The following NICN1 variants were observed in gnomAD, a reference collection of about 807,000 sequenced individuals.
NICN1 encodes the protein nicolin 1, tubulin polyglutamylase complex subunit, also known as nicolin-1.
Under a neutral mutation model 26.3 loss-of-function variants are expected in NICN1, and 18 were observed. The ratio of observed to expected loss-of-function variants is 0.68; its 90% CI spans 0.47 to 1.01. The LOEUF (loss-of-function observed/expected upper bound fraction) is 1.01. NICN1 is among the 50% of genes least tolerant of loss of function. NICN1 has a pLI of 0.00. For missense variants in NICN1, 239 were observed against 278.3 expected (o/e 0.86, Z 1.00); for synonymous variants, 109 against 111.0 (o/e 0.98, Z 0.11).
intron 1 of NICN1, among the ~76,000 whole-genome samples, chr3:49,427,080 C>G (rs1027599206): frequency 6.6e-6 from 1 of 151,836 alleles, no homozygotes; most frequent in African/African-American, 2.4e-5. Context: ...CCAGCACTTT[C>G]GGAGGCCGAG....
chr3:49,425,067 A>C lies in NICN1; in HGVS notation c.496-14T>G. 1 of 1,606,036 alleles carries C rather than the reference A, an allele frequency of 6.2e-7. No homozygotes were observed. On this transcript the variant is annotated splice_polypyrimidine_tract_variant and intron_variant, in intron 4 of 5. Transcript: ENST00000273598. ...GTCTGGGAGACCCTGCTCCAGAAGGAGGGGTCAGTGGCCATGGGTCTCTCC... is the reference window on the plus strand; with the variant it reads ...GTCTGGGAGACCCTGCTCCAGAAGGCGGGGTCAGTGGCCATGGGTCTCTCC...
At position 49,426,354 on chromosome 3, in the gene NICN1, G is replaced by A. The variant is rs1203395205; in HGVS notation, c.207C>T (p.His69=). ...GGCAGGTCACCCACTTGGCAGGTGTGTGTGCTGAGGTGTACTGACGGACAC... is the reference window on the plus strand; with the variant it reads ...GGCAGGTCACCCACTTGGCAGGTGTATGTGCTGAGGTGTACTGACGGACAC... The part of the protein sequence containing the change: ...SIRVRQYTSA[H]TPAKWVTCLR... The change falls in exon 2 of 6, where the codon CAC becomes CAT. Residue 69 remains histidine (H), a synonymous_variant. Coordinates refer to ENST00000273598, the MANE Select transcript of NICN1 (RefSeq NM_032316.3). 6.2e-7 allele frequency: 1 copy of A among 1,614,076 alleles called. No individual in the cohort carries two copies. The highest frequency in any genetic ancestry group is 1.3e-5 in the African/African-American group (1 of 74,918).
rs2049122995 is a variant in NICN1, at chr3:49,422,365, G to A, written c.*2468C>T. 5.0e-6 allele frequency: 8 copies of A among 1,613,218 alleles called. No homozygotes were observed. The highest frequency in any genetic ancestry group is 6.8e-6 in the Non-Finnish European group (8 of 1,179,812). ...GATCAGCACCCTCTATCCCACCTGT[G>A]CGCAACTAAGTGGACGACACAAGGC... is the stretch of plus-strand genomic sequence containing the variant. On this transcript the variant is annotated 3_prime_UTR_variant, in exon 6 of 6. Transcript: ENST00000273598.
intron 2 of NICN1, 30 bp downstream of exon 2, chr3:49,426,222 C>A (rs1379371231): frequency 6.2e-7 from 1 of 1,608,800 alleles, no homozygotes. Context: ...CTCATCTGGG[C>A]TGCCCTGGCC....
chr3:49,428,005 C>T (rs1433086418), intron 1 of NICN1, among the ~76,000 whole-genome samples: 1 of 151,880 alleles, frequency 6.6e-6, no homozygotes, highest in East Asian at 1.9e-4. Flanking sequence ...GATCACCTGA[C>T]GTCACAAGTT....
In NICN1 at chr3:49,424,416, TC is replaced by T. The variant is rs1367626869; in HGVS notation, c.*416del. ...AAGGTTTCTGTTTCTTCCTCAAGTG[TC>T]CCAAGTGCCATGGCAGCAATGGCCT... On this transcript the variant is annotated 3_prime_UTR_variant, in exon 6 of 6. Coordinates refer to ENST00000273598, the MANE Select transcript of NICN1 (RefSeq NM_032316.3). 2 of 259,442 alleles carry T rather than the reference TC, an allele frequency of 7.7e-6. No homozygotes were observed. Among genetic ancestry groups the T allele is most frequent in the Non-Finnish European group, 1.5e-5 (2 of 135,072 alleles). The allele number at this position is 259,442 out of a possible 1,614,324, so 16.1% of individuals were successfully genotyped here. A position where few individuals can be genotyped will look rare whatever the true frequency, so the allele number is the denominator to read the frequency against.
intron 2 of NICN1, 86 bp downstream of exon 2, chr3:49,426,166 C>T: frequency 7.1e-7 from 1 of 1,411,046 alleles, no homozygotes; most frequent in Middle Eastern, 1.8e-4. Flanking sequence ...CTGGCCCCCT[C>T]TTCCCTCTTG....
rs559349961 is a variant in NICN1, at chr3:49,426,684, C to T, written c.133-256G>A. ...CCGGGACTACAGGTACGTGCCACCA[C>T]GCCCAGCTAATTGTTTTGTACTTTT... On this transcript the variant is annotated intron_variant, in intron 1 of 5. Coordinates refer to ENST00000273598, the MANE Select transcript of NICN1 (RefSeq NM_032316.3). Among the ~76,000 whole-genome samples, 8 of 152,212 alleles carry T rather than the reference C, an allele frequency of 5.3e-5. 1 individual carries two copies. The South Asian group carries it at 6.2e-4, about 12-fold the overall frequency.
chr3:49,426,559 G>A, intron 1 of NICN1, 131 bp from the exon 2 acceptor site: 1 of 683,948 alleles, frequency 1.5e-6, no homozygotes, highest in Non-Finnish European at 2.4e-6. Context: ...AGGAAATCTT[G>A]CTCTTTTGCC....
chr3:49,422,580 G>T lies in NICN1; in HGVS notation c.*2253C>A. 1.0e-6 allele frequency: 1 copy of T among 987,406 alleles called. No homozygotes were observed. The highest frequency in any genetic ancestry group is 1.6e-6 in the Non-Finnish European group (1 of 636,680). The allele number at this position is 987,406 out of a possible 1,614,324, so 61.2% of individuals were successfully genotyped here. Reference sequence around the variant, plus strand: ...AAAGGATCTGAAGGGGGCGTGGGCAGCCCCAAGGGCAGGCTGGGATTTAGA... The same window carrying T: ...AAAGGATCTGAAGGGGGCGTGGGCATCCCCAAGGGCAGGCTGGGATTTAGA... On this transcript the variant is annotated 3_prime_UTR_variant, in exon 6 of 6. Transcript: ENST00000273598.
chr3:49,426,620 C>T (rs1351726811), intron 1 of NICN1, among the ~76,000 whole-genome samples, 192 bp from the exon 2 acceptor site: 1 of 151,782 alleles, frequency 6.6e-6, no homozygotes, highest in Non-Finnish European at 1.5e-5. Flanking sequence ...CTCCACCTCC[C>T]AGGTTCAAGC....
intron 1 of NICN1, among the ~76,000 whole-genome samples, chr3:49,427,504 G>A (rs183228397): frequency 8.9e-5 from 13 of 146,394 alleles, no homozygotes; most frequent in Admixed American, 6.1e-4. Context: ...TTAGCTGAGC[G>A]TGGTGGCGCA....
chr3:49,429,246 AG>A lies in NICN1; in HGVS notation c.-8del. The A allele has an allele frequency of 6.3e-7, 1 of 1,594,502 alleles. No homozygotes were observed. The highest frequency in any genetic ancestry group is 8.5e-7 in the Non-Finnish European group (1 of 1,169,900). ...GCACCAAAACGCGGGACATGGTGAC[AG>A]CAGCCGCAACTAAGTGCAACCGCCG... On this transcript the variant is annotated 5_prime_UTR_variant, in exon 1 of 6. Transcript: ENST00000273598.
At chr3:49,426,527 TTC>T in intron 1 of NICN1, 99 bp from the exon 2 acceptor site, 16 of 866,114 alleles carry the variant, frequency 1.8e-5, no homozygotes, top group Middle Eastern at 2.3e-4. Context: ...TCCCCACCTT[TTC>T]TTTTTTTTTT....
At position 49,422,577 on chromosome 3, in the gene NICN1, G is replaced by C. The variant is rs1320908675; in HGVS notation, c.*2256C>G. On this transcript the variant is annotated 3_prime_UTR_variant, in exon 6 of 6. Transcript: ENST00000273598. ...AGCAAAGGATCTGAAGGGGGCGTGG[G>C]CAGCCCCAAGGGCAGGCTGGGATTT... 1 of 1,026,110 alleles carries C rather than the reference G, an allele frequency of 9.7e-7. No homozygotes were observed. The allele number at this position is 1,026,110 out of a possible 1,614,324, so 63.6% of individuals were successfully genotyped here.
intron 4 of NICN1, 58 bp from the exon 5 acceptor site, chr3:49,425,111 C>T (rs2049160589): frequency 1.4e-6 from 2 of 1,460,964 alleles, no homozygotes; most frequent in Admixed American, 3.4e-5. Context: ...GCCCTTCAGG[C>T]TCCAGAGAGG....
At position 49,427,189 on chromosome 3, in the gene NICN1, C is replaced by A. The variant is rs553315780; in HGVS notation, c.133-761G>T. Among the ~76,000 whole-genome samples the A allele has an allele frequency of 4.9e-4, 75 of 151,986 alleles. 1 individual carries two copies. Among genetic ancestry groups the A allele is most frequent in the Non-Finnish European group, 1.8e-4 (12 of 67,964 alleles). ...ACAAAAAATTAGCCGGGCTTGGTGG[C>A]GGGCACCTGTAGTCCCAGCTACTCG... On this transcript the variant is annotated intron_variant, in intron 1 of 5. Transcript: ENST00000273598.
chr3:49,422,503 A>G lies in NICN1; in HGVS notation c.*2330T>C. 2 of 1,565,806 alleles carry G rather than the reference A, an allele frequency of 1.3e-6. No individual in the cohort carries two copies. Among genetic ancestry groups the G allele is most frequent in the Non-Finnish European group, 1.7e-6 (2 of 1,143,918 alleles). On this transcript the variant is annotated 3_prime_UTR_variant, in exon 6 of 6. Transcript: ENST00000273598. The stretch of plus-strand genomic sequence containing the variant: ...CACAGAGGCCACCACACTGCCAGGC[A>G]CGCCGGGAGATGTAGTCCAGGCCTC...
In NICN1 at chr3:49,424,843, G is replaced by A. The variant is rs751434221; in HGVS notation, c.632C>T (p.Ser211Phe). Residue 211 changes from serine (S) to phenylalanine (F), a missense_variant, in exon 6 of 6, where the codon TCC (serine) becomes TTC (phenylalanine). Coordinates refer to ENST00000273598, the MANE Select transcript of NICN1 (RefSeq NM_032316.3). Reference protein sequence around the residue: ...VDGCYDLNLLSYT With the variant: ...VDGCYDLNLLFYT ...GCTAGGAGCAACCATTCAAGTGTAGGAGAGCAAGTTCAGGTCATAACAGCC... is the reference window on the plus strand; with the variant it reads ...GCTAGGAGCAACCATTCAAGTGTAGAAGAGCAAGTTCAGGTCATAACAGCC... 2.5e-6 allele frequency: 4 copies of A among 1,613,838 alleles called. No individual in the cohort carries two copies. The African/African-American group carries it at 5.3e-5, about 22-fold the overall frequency.
Sources: gnomAD v4.1 joint callset for allele counts (sites outside exome capture counted in the v4.1 genomes callset) on GRCh38, gnomAD v4.1.1 for gene constraint, MANE v1.5 for transcripts, NCBI Gene and HGNC (gene_info 2026-07-23, HGNC 2026-07-21) for gene names.